TNR: variants seen among roughly 807,000 people sequenced by gnomAD.
The protein encoded by TNR is tenascin R.
A neutral mutation model predicts 150.4 loss-of-function variants in TNR; 45 were observed. The observed-to-expected ratio is 0.30, with a 90% CI of 0.24 to 0.38. TNR has a LOEUF of 0.38. Among genes scored for constraint, TNR ranks in the 10% least tolerant of loss-of-function variants. TNR has a pLI of 1.00. For missense variants in TNR, 1,544 were observed against 1,759.1 expected (o/e 0.88, Z 2.19); for synonymous variants, 687 against 678.4 (o/e 1.01, Z -0.20).
chr1:175,374,571 G>A (rs967340186), intron 9 of TNR, among the ~76,000 whole-genome samples: 9 of 152,174 alleles, frequency 5.9e-5, no homozygotes, highest in Admixed American at 2.0e-4. Context: ...GTGAGTGTGA[G>A]TGCATCATGT....
At chr1:175,493,381 A>G (rs1326611242) in intron 2 of TNR, among the ~76,000 whole-genome samples, 1 of 152,212 alleles carries the variant, frequency 6.6e-6, no homozygotes, top group Non-Finnish European at 1.5e-5. Flanking sequence ...TTCCCGGGCC[A>G]TCTCCTTGCT....
At chr1:175,551,105 A>T (rs986890989) in intron 1 of TNR, among the ~76,000 whole-genome samples, 1 of 152,222 alleles carries the variant, frequency 6.6e-6, no homozygotes, top group Non-Finnish European at 1.5e-5. Context: ...AGAAATATAT[A>T]AGAAAGTTCT....
intron 18 of TNR, among the ~76,000 whole-genome samples, chr1:175,349,544 G>C (rs576289941): frequency 1.3e-5 from 2 of 152,214 alleles, no homozygotes; most frequent in South Asian, 4.1e-4. Context: ...TATACTCAAA[G>C]TAATTTTACA....
chr1:175,608,592 T>C (rs1663487359), intron 1 of TNR, among the ~76,000 whole-genome samples: 1 of 152,134 alleles, frequency 6.6e-6, no homozygotes, highest in Non-Finnish European at 1.5e-5. Context: ...AAGATGATAT[T>C]GGGAAAAAGT....
intron 2 of TNR, among the ~76,000 whole-genome samples, chr1:175,409,782 C>A (rs1654127562): frequency 7.8e-6 from 1 of 127,554 alleles, no homozygotes; most frequent in African/African-American, 2.9e-5. Context: ...ATCATTCATT[C>A]ATTTGACAGA....
At chr1:175,535,493 C>T (rs908391792) in intron 1 of TNR, among the ~76,000 whole-genome samples, 2 of 151,692 alleles carry the variant, frequency 1.3e-5, no homozygotes, top group African/African-American at 4.8e-5. Flanking sequence ...CGGAGTCTCG[C>T]TCTGTCGCCC....
rs945146141 is a variant in TNR, at chr1:175,489,185, C to A, written c.-64+39084G>T. Among the ~76,000 whole-genome samples the A allele has an allele frequency of 2.0e-5, 3 of 152,194 alleles. No individual in the cohort carries two copies. In the East Asian group the frequency reaches 5.8e-4, roughly 29 times the overall value. The stretch of plus-strand genomic sequence containing the variant: ...CTCCAAAAACTTAACAGTCCAAGAT[C>A]ACCCGGGGCCCAGCCAGGAATGGAA... On this transcript the variant is annotated intron_variant, in intron 2 of 22. Coordinates refer to ENST00000367674, the MANE Select transcript of TNR (RefSeq NM_003285.3).
chr1:175,426,122 C>T (rs1654957873), intron 2 of TNR, among the ~76,000 whole-genome samples: 3 of 152,122 alleles, frequency 2.0e-5, no homozygotes, highest in Admixed American at 6.5e-5. Context: ...GAGAGCGCAG[C>T]GTCTGTATTC....
chr1:175,316,720 A>T lies in TNR; in HGVS notation c.*6637T>A, dbSNP rs1042724790. ...GTATTGGGTTTATGTTCTGGTTCTT[A>T]TCTTCCCCCTCTCATTCTGTTGGGG... On this transcript the variant is annotated 3_prime_UTR_variant, in exon 23 of 23. Coordinates refer to ENST00000367674, the MANE Select transcript of TNR (RefSeq NM_003285.3). 6.6e-6 allele frequency: 1 copy of T among 152,026 alleles called. No homozygotes were observed. Among genetic ancestry groups the T allele is most frequent in the African/African-American group, 2.4e-5 (1 of 41,388 alleles). The allele number at this position is 152,026 out of a possible 1,614,324, so 9.4% of individuals were successfully genotyped here.
At chr1:175,680,091 C>A (rs779055747) in intron 1 of TNR, among the ~76,000 whole-genome samples, 6 of 152,214 alleles carry the variant, frequency 3.9e-5, no homozygotes, top group Non-Finnish European at 8.8e-5. Flanking sequence ...CACCCAGCTG[C>A]TCCATCTGTA....
intron 1 of TNR, among the ~76,000 whole-genome samples, chr1:175,628,764 G>T (rs1300928789): frequency 6.6e-6 from 1 of 152,106 alleles, no homozygotes; most frequent in Non-Finnish European, 1.5e-5. Context: ...TTGGCCCAGT[G>T]CCAGCCTGGA....
intron 2 of TNR, among the ~76,000 whole-genome samples, chr1:175,479,610 G>A (rs1455969749): frequency 1.6e-4 from 24 of 152,198 alleles, no homozygotes. Flanking sequence ...GGCAGCCAGA[G>A]TTCTGAGGTT....
intron 2 of TNR, among the ~76,000 whole-genome samples, chr1:175,422,747 C>A (rs1654810388): frequency 6.6e-6 from 1 of 152,242 alleles, no homozygotes; most frequent in South Asian, 2.1e-4. Context: ...CATCCACACT[C>A]CCCAATTGTC....
At chr1:175,540,656 C>T (rs1660465741) in intron 1 of TNR, among the ~76,000 whole-genome samples, 1 of 151,842 alleles carries the variant, frequency 6.6e-6, no homozygotes, top group South Asian at 2.1e-4. Context: ...TTTCCTTTAC[C>T]ATCCTTTCTG....
Position 175,331,078 on chromosome 1 carries a change from C to CTTCCTTCCTTCTTTCTTTCTTTCTTTCT in TNR, c.3632-844_3632-843insAGAAAGAAAGAAAGAAAGAAGGAAGGAA, listed in dbSNP as rs1649829693. ...CTTTCTTTCTTTCTTTCTTTCTTTC[C>CTTCCTTCCTTCTTTCTTTCTTTCTTTCT]TTCTTTCTTTCTTTCTTTCTTTCTC... On this transcript the variant is annotated intron_variant, in intron 20 of 22. Coordinates refer to ENST00000367674, the MANE Select transcript of TNR (RefSeq NM_003285.3). Among the ~76,000 whole-genome samples, 10 of 59,918 alleles carry CTTCCTTCCTTCTTTCTTTCTTTCTTTCT rather than the reference C, an allele frequency of 1.7e-4. 1 individual carries two copies. Among genetic ancestry groups the CTTCCTTCCTTCTTTCTTTCTTTCTTTCT allele is most frequent in the African/African-American group, 5.7e-4 (9 of 15,816 alleles). The allele number at this position is 59,918 out of a possible 152,430, so 39.3% of individuals were successfully genotyped here. A position where few individuals can be genotyped will look rare whatever the true frequency, so the allele number is the denominator to read the frequency against.
chr1:175,670,946 T>G (rs1484269319), intron 1 of TNR, among the ~76,000 whole-genome samples: 1 of 151,964 alleles, frequency 6.6e-6, no homozygotes, highest in Non-Finnish European at 1.5e-5. Flanking sequence ...GAGTGCTCTG[T>G]GGGGGGTAGG....
chr1:175,322,822 G>GAGGA lies in TNR; in HGVS notation c.*531_*534dup, dbSNP rs144328809. On this transcript the variant is annotated 3_prime_UTR_variant, in exon 23 of 23. Transcript: ENST00000367674. Reference sequence around the variant, plus strand: ...GAGGGAAGGCAGGAAAGAAGGAAGGGAGGAAGGAAGGAAGGAAGGAAAAGA... The same window carrying GAGGA: ...GAGGGAAGGCAGGAAAGAAGGAAGGGAGGAAGGAAGGAAGGAAGGAAGGAAAAGA... 17,290 of 152,182 alleles carry GAGGA rather than the reference G, an allele frequency of 0.11. 1,216 individuals carry two copies. The highest frequency in any genetic ancestry group is 0.15 in the Non-Finnish European group (10,225 of 68,108). The allele number at this position is 152,182 out of a possible 1,614,324, so 9.4% of individuals were successfully genotyped here.
chr1:175,444,542 C>T (rs1557938125), intron 2 of TNR, among the ~76,000 whole-genome samples: 1 of 152,208 alleles, frequency 6.6e-6, no homozygotes, highest in East Asian at 1.9e-4. Context: ...CAAACCTGTC[C>T]TTCACACACC....
intron 2 of TNR, among the ~76,000 whole-genome samples, chr1:175,518,841 T>C (rs1476705565): frequency 6.6e-6 from 1 of 152,232 alleles, no homozygotes; most frequent in Non-Finnish European, 1.5e-5. Flanking sequence ...AGGTCCATTA[T>C]CTTTATTATT....
Sources: gnomAD v4.1 joint callset for allele counts (sites outside exome capture counted in the v4.1 genomes callset) on GRCh38, gnomAD v4.1.1 for gene constraint, MANE v1.5 for transcripts, NCBI Gene and HGNC (gene_info 2026-07-23, HGNC 2026-07-21) for gene names.